NECAP2: variants seen among roughly 807,000 people sequenced by gnomAD.
NECAP2 encodes the protein NECAP endocytosis associated 2.
A neutral mutation model predicts 37.8 loss-of-function variants in NECAP2; 38 were observed. That is an observed-to-expected ratio of 1.01 (90% CI 0.78 to 1.32). The LOEUF is 1.32. Among genes scored for constraint, NECAP2 ranks in the 40% most tolerant of loss-of-function variants. NECAP2 has a pLI of 0.00. For synonymous variants in NECAP2, 121 were observed against 127.7 expected (o/e 0.95, Z 0.35); for missense variants, 316 against 334.5 (o/e 0.94, Z 0.43).
intron 6 of NECAP2, among the ~76,000 whole-genome samples, chr1:16,452,240 C>G (rs1427129307): frequency 6.6e-6 from 1 of 152,170 alleles, no homozygotes; most frequent in Non-Finnish European, 1.5e-5. Flanking sequence ...GCCAGGGCTG[C>G]GACTTGTTAG....
At chr1:16,451,623 G>GT in intron 5 of NECAP2, 2 of 591,426 alleles carry the variant, frequency 3.4e-6, no homozygotes, top group African/African-American at 1.9e-5. Flanking sequence ...GAATGAAGTG[G>GT]GGGTGCTGGG....
At chr1:16,443,498 A>G in intron 1 of NECAP2, 134 bp from the exon 2 acceptor site, 1 of 689,970 alleles carries the variant, frequency 1.4e-6, no homozygotes, top group Non-Finnish European at 2.5e-6. Context: ...AGAGCCAAAG[A>G]TATTTACTGT....
chr1:16,455,404 T>C (rs973530582), intron 6 of NECAP2: 6 of 194,826 alleles, frequency 3.1e-5, no homozygotes, highest in South Asian at 1.1e-4. Flanking sequence ...AGGCTTGATA[T>C]GAAGATGATC....
At chr1:16,449,367 C>T (rs954737894) in intron 5 of NECAP2, 166 bp downstream of exon 5, 3 of 575,580 alleles carry the variant, frequency 5.2e-6, no homozygotes, top group Admixed American at 6.5e-5. Flanking sequence ...CCTCTGTTCT[C>T]ATGGAGCTCA....
intron 2 of NECAP2, among the ~76,000 whole-genome samples, chr1:16,446,517 T>G (rs2086765063): frequency 6.6e-6 from 1 of 151,518 alleles, no homozygotes; most frequent in Admixed American, 6.6e-5. Flanking sequence ...TATGGTGCAC[T>G]GCACACTGCA....
intron 2 of NECAP2, among the ~76,000 whole-genome samples, chr1:16,446,408 A>C (rs1365435745): frequency 6.6e-6 from 1 of 152,084 alleles, no homozygotes; most frequent in Non-Finnish European, 1.5e-5. Context: ...CTCTAACAAA[A>C]ATTGAGTGGG....
Position 16,458,921 on chromosome 1 carries a change from T to C in NECAP2, c.*31T>C. On this transcript the variant is annotated 3_prime_UTR_variant, in exon 8 of 8. Coordinates refer to ENST00000337132, the MANE Select transcript of NECAP2 (RefSeq NM_018090.5). ...GCACGGTTTTTCCTCATGTGACTTC[T>C]GGGAAGGCGCTCCCTCATCTGGGCC... is the stretch of plus-strand genomic sequence containing the variant. The C allele has an allele frequency of 4.3e-6, 7 of 1,614,148 alleles. No individual in the cohort carries two copies. The highest frequency in any genetic ancestry group is 5.9e-6 in the Non-Finnish European group (7 of 1,180,022).
chr1:16,447,220 A>G (rs2086776643), intron 2 of NECAP2, among the ~76,000 whole-genome samples: 1 of 152,320 alleles, frequency 6.6e-6, no homozygotes, highest in South Asian at 2.1e-4. Flanking sequence ...AGCACATGGG[A>G]AAAACTGATG....
At chr1:16,454,459 A>G (rs1200714763) in intron 6 of NECAP2, among the ~76,000 whole-genome samples, 1 of 147,002 alleles carries the variant, frequency 6.8e-6, no homozygotes, top group African/African-American at 2.5e-5. Context: ...GGGTTCAAGC[A>G]ATTCTCCTGC....
At chr1:16,458,802 G>T in intron 7 of NECAP2, 40 bp from the exon 8 acceptor site, 1 of 1,607,650 alleles carries the variant, frequency 6.2e-7, no homozygotes, top group Non-Finnish European at 8.5e-7. Flanking sequence ...TATTTTCAAA[G>T]ATCTGAACTC....
chr1:16,441,466 G>A (rs17453643), intron 1 of NECAP2: 3,704 of 152,356 alleles, frequency 0.024, 66 homozygotes, highest in Non-Finnish European at 0.035. Context: ...CTCTGCAAAG[G>A]AACACAGGAA....
rs758158705 is a variant in NECAP2, at chr1:16,448,095, C to T, written c.334C>T (p.Arg112Ter). ...RAFIGIGFGD[R>*]GDAFDFNVAL... is the part of the protein sequence containing the mutation. ...GTTTATTGGAATTGGCTTCGGGGAC[C>T]GAGGTGATGCCTTTGACTTCAATGT... Residue 112 changes from arginine to a stop codon, truncating the protein, a stop_gained, in exon 4 of 8, where the codon CGA becomes TGA. Transcript: ENST00000337132. LOFTEE classifies it high-confidence loss of function. 2.4e-5 allele frequency: 38 copies of T among 1,613,992 alleles called. No individual in the cohort carries two copies. The highest frequency in any genetic ancestry group is 1.3e-4 in the East Asian group (6 of 44,894).
At position 16,440,839 on chromosome 1, in the gene NECAP2, C is replaced by T. The variant is rs2086679716; in HGVS notation, c.78C>T (p.Thr26=). The part of the protein sequence containing the change: ...VHVYRIPPRA[T]NRGYRAAEWQ... ...TCTACCGCATCCCTCCGCGGGCTAC[C>T]AACCGTGGCTACAGGTGACTACCCA... is the stretch of plus-strand genomic sequence containing the variant. Residue 26 remains threonine (T), a synonymous_variant, in exon 1 of 8, where the codon ACC becomes ACT. Coordinates refer to ENST00000337132, the MANE Select transcript of NECAP2 (RefSeq NM_018090.5). 2 of 1,613,874 alleles carry T rather than the reference C, an allele frequency of 1.2e-6. No homozygotes were observed. Among genetic ancestry groups the T allele is most frequent in the East Asian group, 2.2e-5 (1 of 44,890 alleles).
chr1:16,451,773 G>A (rs576883461), intron 5 of NECAP2, 65 bp from the exon 6 acceptor site: 1 of 1,594,638 alleles, frequency 6.3e-7, no homozygotes, highest in East Asian at 2.2e-5. Flanking sequence ...CCTCCTTGTG[G>A]GGTTTTCTGG....
intron 5 of NECAP2, chr1:16,449,529 A>G: frequency 1.1e-5 from 3 of 280,534 alleles, no homozygotes; most frequent in Admixed American, 9.7e-5. Flanking sequence ...GGAAGAAGGG[A>G]CCTGTAGGCA....
intron 1 of NECAP2, 79 bp downstream of exon 1, chr1:16,440,932 G>A: frequency 7.7e-7 from 1 of 1,291,376 alleles, no homozygotes; most frequent in South Asian, 1.2e-5. Flanking sequence ...TGCGGGAACC[G>A]AGGACAGCCC....
At chr1:16,454,390 C>G (rs2086889191) in intron 6 of NECAP2, among the ~76,000 whole-genome samples, 1 of 140,714 alleles carries the variant, frequency 7.1e-6, no homozygotes, top group African/African-American at 2.7e-5. Context: ...GAGTCTCACT[C>G]TGTTGCCCAG....
At chr1:16,442,704 G>C (rs1269679947) in intron 1 of NECAP2, among the ~76,000 whole-genome samples, 1 of 152,180 alleles carries the variant, frequency 6.6e-6, no homozygotes, top group Non-Finnish European at 1.5e-5. Flanking sequence ...TCGGTGGAAG[G>C]ATCCCTTGAG....
chr1:16,455,536 T>A (rs1341401903), intron 6 of NECAP2: 1 of 430,304 alleles, frequency 2.3e-6, no homozygotes, highest in African/African-American at 2.0e-5. Context: ...TTAGATGACG[T>A]GAGACTAACC....
Sources: gnomAD v4.1 joint callset for allele counts (sites outside exome capture counted in the v4.1 genomes callset) on GRCh38, gnomAD v4.1.1 for gene constraint, MANE v1.5 for transcripts, NCBI Gene and HGNC (gene_info 2026-07-23, HGNC 2026-07-21) for gene names.